GRID2: variants seen among roughly 807,000 people sequenced by gnomAD.
GRID2 encodes glutamate ionotropic receptor delta type subunit 2, also known as glutamate receptor ionotropic, delta-2.
A neutral mutation model predicts 114.8 loss-of-function variants in GRID2; 33 were observed. The observed-to-expected ratio is 0.29, with a 90% CI of 0.22 to 0.38. The LOEUF is 0.38. GRID2 is among the 10% of genes least tolerant of loss of function. The probability of loss-of-function intolerance (pLI) is 1.00; values close to 1 mark genes in which losing one functional copy is unlikely to be tolerated. For synonymous variants in GRID2, 505 were observed against 449.9 expected (o/e 1.12, Z -1.55); for missense variants, 1,184 against 1,257.7 (o/e 0.94, Z 0.89).
intron 4 of GRID2, among the ~76,000 whole-genome samples, chr4:93,179,611 G>A (rs779553695): frequency 6.6e-6 from 1 of 152,076 alleles, no homozygotes; most frequent in Admixed American, 6.6e-5. Context: ...AATGAGCCAG[G>A]CATTGTGCTA....
At chr4:93,478,928 A>G (rs901390632) in intron 11 of GRID2, among the ~76,000 whole-genome samples, 2 of 152,120 alleles carry the variant, frequency 1.3e-5, no homozygotes, top group African/African-American at 4.8e-5. Context: ...TAGCCAGTCC[A>G]TAACAATATT....
intron 14 of GRID2, among the ~76,000 whole-genome samples, chr4:93,754,403 A>C (rs888243252): frequency 3.9e-5 from 6 of 152,214 alleles, no homozygotes; most frequent in African/African-American, 1.4e-4. Context: ...TAATATCTAC[A>C]AAGTGGATCT....
At chr4:92,646,654 T>C (rs1171510452) in intron 2 of GRID2, among the ~76,000 whole-genome samples, 1 of 152,232 alleles carries the variant, frequency 6.6e-6, no homozygotes, top group Non-Finnish European at 1.5e-5. Flanking sequence ...TTTGTTATTA[T>C]GACTATTAAA....
At chr4:92,939,890 A>T (rs1483468639) in intron 2 of GRID2, among the ~76,000 whole-genome samples, 1 of 146,786 alleles carries the variant, frequency 6.8e-6, no homozygotes, top group Non-Finnish European at 1.5e-5. Context: ...ATGCAGCATT[A>T]TTTCTGAGGG....
Position 93,002,662 on chromosome 4 carries a change from A to G in GRID2, c.245-82333A>G, listed in dbSNP as rs1721119120. ...CCCCGGTACTTGAAAGTAGTCAAAT[A>G]AAAAATAGATTCAGAGTTGATTTGT... On this transcript the variant is annotated intron_variant, in intron 2 of 15. Transcript: ENST00000282020. 2.6e-5 allele frequency among the ~76,000 whole-genome samples: 4 copies of G among 151,862 alleles called. No individual in the cohort carries two copies. In the Admixed American group the frequency reaches 2.6e-4, roughly 10 times the overall value.
At chr4:92,703,834 C>T (rs1443376646) in intron 2 of GRID2, among the ~76,000 whole-genome samples, 1 of 151,974 alleles carries the variant, frequency 6.6e-6, no homozygotes, top group Non-Finnish European at 1.5e-5. Flanking sequence ...AACTGGGCTT[C>T]TAGCACTTTT....
chr4:93,693,539 A>C (rs1299601300), intron 14 of GRID2, among the ~76,000 whole-genome samples: 1 of 152,198 alleles, frequency 6.6e-6, no homozygotes, highest in East Asian at 1.9e-4. Context: ...AAATATGAGA[A>C]ATTAGTCTAA....
At chr4:92,857,347 G>A (rs1744245682) in intron 2 of GRID2, among the ~76,000 whole-genome samples, 1 of 152,164 alleles carries the variant, frequency 6.6e-6, no homozygotes, top group South Asian at 2.1e-4. Flanking sequence ...GCACCAGTTA[G>A]CAAAGTTGTG....
chr4:93,167,905 T>C (rs1738407496), intron 4 of GRID2, among the ~76,000 whole-genome samples: 1 of 152,020 alleles, frequency 6.6e-6, no homozygotes, highest in Admixed American at 6.6e-5. Context: ...AATATAAACA[T>C]ATATATGGTT....
At chr4:93,771,140 G>A (rs957852548) in intron 15 of GRID2, among the ~76,000 whole-genome samples, 34 of 152,250 alleles carry the variant, frequency 2.2e-4, no homozygotes, top group African/African-American at 8.2e-4. Context: ...GAGTTTGGCT[G>A]TAAATAAGAC....
intron 8 of GRID2, among the ~76,000 whole-genome samples, chr4:93,250,962 T>C (rs997771967): frequency 2.0e-5 from 3 of 151,802 alleles, no homozygotes; most frequent in African/African-American, 7.3e-5. Flanking sequence ...ATGTGCAGTA[T>C]TTTTACTAGG....
chr4:92,362,168 T>G (rs938479254), intron 1 of GRID2, among the ~76,000 whole-genome samples: 12 of 152,170 alleles, frequency 7.9e-5, no homozygotes, highest in Admixed American at 6.6e-4. Flanking sequence ...CCATTGCTCA[T>G]GCTGTTTGGG....
At chr4:92,771,049 T>G (rs1738518943) in intron 2 of GRID2, among the ~76,000 whole-genome samples, 1 of 149,988 alleles carries the variant, frequency 6.7e-6, no homozygotes, top group Non-Finnish European at 1.5e-5. Flanking sequence ...ATTCTCCTTT[T>G]TTGCCAATAC....
intron 14 of GRID2, among the ~76,000 whole-genome samples, chr4:93,677,819 C>A (rs1297476100): frequency 1.3e-5 from 2 of 152,076 alleles, no homozygotes; most frequent in African/African-American, 2.4e-5. Context: ...GATAAAACCA[C>A]AAAGATGGGG....
rs1242323083 is a variant in GRID2 at position 92,642,678 on chromosome 4, A to G, written c.244+52392A>G. The stretch of plus-strand genomic sequence containing the variant: ...TAGTTTAACTAGCTCCCATTTGTCA[A>G]TTTTTGGTTTTGTTGCAATTGCTTT... On this transcript the variant is annotated intron_variant, in intron 2 of 15. Transcript: ENST00000282020. 1.3e-5 allele frequency among the ~76,000 whole-genome samples: 2 copies of G among 151,424 alleles called. 1 individual carries two copies. The highest frequency in any genetic ancestry group is 2.9e-5 in the Non-Finnish European group (2 of 67,812).
chr4:92,473,230 C>T (rs1195396543), intron 1 of GRID2, among the ~76,000 whole-genome samples: 2 of 152,060 alleles, frequency 1.3e-5, no homozygotes, highest in Admixed American at 1.3e-4. Flanking sequence ...TTTAGATTCT[C>T]CATTCTACTT....
At chr4:93,028,047 A>C (rs1019599023) in intron 2 of GRID2, among the ~76,000 whole-genome samples, 1 of 152,134 alleles carries the variant, frequency 6.6e-6, no homozygotes, top group African/African-American at 2.4e-5. Flanking sequence ...TTCCTGCTGC[A>C]TACTTTCTAT....
intron 4 of GRID2, among the ~76,000 whole-genome samples, chr4:93,121,687 G>A (rs1319774500): frequency 6.6e-6 from 1 of 152,056 alleles, no homozygotes; most frequent in East Asian, 1.9e-4. Flanking sequence ...TACGCATAAG[G>A]CATGTTACAT....
At chr4:93,392,819 G>GAAAAAAAAACAACAC in intron 8 of GRID2, among the ~76,000 whole-genome samples, 1 of 152,022 alleles carries the variant, frequency 6.6e-6, no homozygotes, top group East Asian at 1.9e-4. Flanking sequence ...AATGAAAAAT[G>GAAAAAAAAACAACAC]CTGTATCTGG....
Sources: gnomAD v4.1 joint callset for allele counts (sites outside exome capture counted in the v4.1 genomes callset) on GRCh38, gnomAD v4.1.1 for gene constraint, MANE v1.5 for transcripts, NCBI Gene and HGNC (gene_info 2026-07-23, HGNC 2026-07-21) for gene names.